Variants in ZNF385B observed in about 807,000 individuals in gnomAD.
ZNF385B encodes zinc finger protein 385B.
A neutral mutation model predicts 39.2 loss-of-function variants in ZNF385B; 23 were observed. The observed-to-expected ratio is 0.59, with a 90% CI of 0.42 to 0.83. ZNF385B has a LOEUF of 0.83. Among genes scored for constraint, ZNF385B ranks in the 40% least tolerant of loss-of-function variants. The probability of loss-of-function intolerance (pLI) is 0.00; values close to 1 mark genes in which losing one functional copy is unlikely to be tolerated. For synonymous variants in ZNF385B, 205 were observed against 222.6 expected, an observed-to-expected ratio of 0.92 and a Z score of 0.70; for missense variants, 552 against 598.9, an observed-to-expected ratio of 0.92 and a Z score of 0.82.
chr2:179,664,130 A>AT lies in ZNF385B; in HGVS notation c.298+105372dup, dbSNP rs1381044122. ...TGGCTTTTTTTTTTTCCTTCAGGGG[A>AT]TTTTTTTTTCTTTTATTCCCCTCTT... is the stretch of plus-strand genomic sequence containing the variant. On this transcript the variant is annotated intron_variant, in intron 3 of 9. Transcript: ENST00000410066. Among the ~76,000 whole-genome samples, 72 of 114,772 alleles carry AT rather than the reference A, an allele frequency of 6.3e-4. 1 individual carries two copies. In the South Asian group the frequency reaches 0.012, roughly 19 times the overall value. 75.3% of individuals were successfully genotyped at this position (114,772 alleles called of 152,430 possible).
intron 4 of ZNF385B, among the ~76,000 whole-genome samples, chr2:179,519,798 T>A (rs576214613): frequency 1.3e-5 from 2 of 152,220 alleles, no homozygotes; most frequent in South Asian, 4.1e-4. Context: ...GAGATTAAGA[T>A]TGGATTAGTT....
intron 5 of ZNF385B, among the ~76,000 whole-genome samples, chr2:179,512,291 AGTTGCC>A (rs1380385438): frequency 6.6e-6 from 1 of 152,210 alleles, no homozygotes; most frequent in Non-Finnish European, 1.5e-5. Flanking sequence ...AAGAGAATCA[AGTTGCC>A]CTGTTTTGTG....
intron 6 of ZNF385B, among the ~76,000 whole-genome samples, chr2:179,473,848 G>A (rs560944087): frequency 6.6e-6 from 1 of 152,250 alleles, no homozygotes; most frequent in Non-Finnish European, 1.5e-5. Context: ...CCCTGCAAAG[G>A]ATGTGAACTC....
At chr2:179,783,120 G>GTA (rs1704770707) in intron 1 of ZNF385B, among the ~76,000 whole-genome samples, 3 of 152,060 alleles carry the variant, frequency 2.0e-5, no homozygotes, top group African/African-American at 7.2e-5. Context: ...CATAGGACTG[G>GTA]TACAAAAACA....
chr2:179,733,898 C>G (rs1559142195), intron 3 of ZNF385B, among the ~76,000 whole-genome samples: 1 of 152,106 alleles, frequency 6.6e-6, no homozygotes, highest in Non-Finnish European at 1.5e-5. Flanking sequence ...TCCCCAGTCT[C>G]CCATGAAATA....
rs930161966 is a variant in ZNF385B, at chr2:179,705,634, C to T, written c.298+63869G>A. On this transcript the variant is annotated intron_variant, in intron 3 of 9. Transcript: ENST00000410066. ...TTTACCTCATCTTCCTATTCTTTTC[C>T]CTTAGACATTATGTATGTTCTTTGA... is the stretch of plus-strand genomic sequence containing the variant. 3.3e-5 allele frequency among the ~76,000 whole-genome samples: 5 copies of T among 152,134 alleles called. No individual in the cohort carries two copies. The South Asian group carries it at 8.3e-4, about 25-fold the overall frequency.
Position 179,769,833 on chromosome 2 carries a change from G to A in ZNF385B, c.-2-31C>T. The A allele has an allele frequency of 3.9e-6, 6 of 1,545,722 alleles. No homozygotes were observed. In the South Asian group the frequency reaches 6.1e-5, roughly 16 times the overall value. ...AAACAAAACAAGTACAAGTGCTTCT[G>A]AAATGATATATGCCTTATTTTCTAG... is the stretch of plus-strand genomic sequence containing the variant. On this transcript the variant is annotated intron_variant, in intron 2 of 9. Coordinates refer to ENST00000410066, the MANE Select transcript of ZNF385B (RefSeq NM_152520.6).
At chr2:179,524,529 GT>G (rs2058740800) in intron 4 of ZNF385B, among the ~76,000 whole-genome samples, 2 of 113,416 alleles carry the variant, frequency 1.8e-5, no homozygotes, top group African/African-American at 6.9e-5. Context: ...TCCAGCCTGG[GT>G]GACAGAGCGA....
chr2:179,524,877 G>C (rs2058786563), intron 4 of ZNF385B, among the ~76,000 whole-genome samples: 2 of 151,996 alleles, frequency 1.3e-5, no homozygotes, highest in South Asian at 4.2e-4. Context: ...TATTCTCCCA[G>C]GGGTATTTTC....
At chr2:179,797,853 C>CATT (rs562410059) in intron 1 of ZNF385B, among the ~76,000 whole-genome samples, 105 of 152,226 alleles carry the variant, frequency 6.9e-4, no homozygotes, top group African/African-American at 2.4e-3. Flanking sequence ...GCTTAGTGGT[C>CATT]ATTACCTCAA....
intron 3 of ZNF385B, among the ~76,000 whole-genome samples, chr2:179,721,233 T>C (rs749137063): frequency 8.5e-5 from 13 of 152,104 alleles, no homozygotes; most frequent in Admixed American, 2.6e-4. Context: ...AAATTTTAAG[T>C]TGGCTATTAA....
chr2:179,493,493 G>GCGTATACATA (rs1491417110), intron 5 of ZNF385B, among the ~76,000 whole-genome samples: 1 of 149,716 alleles, frequency 6.7e-6, no homozygotes, highest in East Asian at 2.0e-4. Context: ...ATGTATAAAC[G>GCGTATACATA]TGTGTGTACA....
intron 3 of ZNF385B, among the ~76,000 whole-genome samples, chr2:179,691,681 C>A (rs992514533): frequency 1.3e-5 from 2 of 151,968 alleles, no homozygotes; most frequent in Admixed American, 1.3e-4. Flanking sequence ...ATAGGATGTC[C>A]AACTAAATGT....
At chr2:179,544,631 T>C (rs2060116283) in intron 4 of ZNF385B, among the ~76,000 whole-genome samples, 196 bp downstream of exon 4, 1 of 152,252 alleles carries the variant, frequency 6.6e-6, no homozygotes. Context: ...GAAATATTTG[T>C]ATAATAAACA....
chr2:179,446,522 A>C lies in ZNF385B; in HGVS notation c.961+3T>G. 6.2e-7 allele frequency: 1 copy of C among 1,611,678 alleles called. No homozygotes were observed. Among genetic ancestry groups the C allele is most frequent in the African/African-American group, 1.3e-5 (1 of 74,934 alleles). ...TATTTAAATGCAAAAGATAGCTGCT[A>C]ACCTGTGTTGTGTGCCTCTAGCTGT... On this transcript the variant is annotated splice_donor_region_variant and intron_variant, in intron 7 of 9. Transcript: ENST00000410066.
intron 3 of ZNF385B, chr2:179,745,906 C>T (rs1702355507): frequency 8.0e-7 from 1 of 1,251,890 alleles, no homozygotes; most frequent in Non-Finnish European, 1.0e-6. Flanking sequence ...CAGTTGCTGG[C>T]TTATTGCACT....
chr2:179,813,888 T>C (rs1706890798), intron 1 of ZNF385B, among the ~76,000 whole-genome samples: 1 of 152,152 alleles, frequency 6.6e-6, no homozygotes, highest in South Asian at 2.1e-4. Context: ...GAAAATAATG[T>C]GGAATGTAGT....
chr2:179,518,480 C>T (rs1412998204), intron 5 of ZNF385B, 48 bp downstream of exon 5: 6 of 1,346,572 alleles, frequency 4.5e-6, no homozygotes, highest in African/African-American at 1.5e-5. Context: ...ATCAATCAGA[C>T]TTTTAGCTCT....
intron 2 of ZNF385B, among the ~76,000 whole-genome samples, chr2:179,770,021 C>T (rs1034574149): frequency 6.6e-6 from 1 of 152,102 alleles, no homozygotes; most frequent in Admixed American, 6.6e-5. Context: ...AAGTTCCTTT[C>T]ACCTGGAGCA....
Sources: allele counts gnomAD v4.1 joint callset (sites outside exome capture counted in the v4.1 genomes callset), GRCh38; gene constraint gnomAD v4.1.1; transcripts MANE v1.5; gene names NCBI Gene and HGNC (gene_info 2026-07-23, HGNC 2026-07-21).